SRD5A2: variants seen among roughly 807,000 people sequenced by gnomAD.
The protein encoded by SRD5A2 is 3-oxo-5-alpha-steroid 4-dehydrogenase 2.
Under a neutral mutation model 27.4 loss-of-function variants are expected in SRD5A2, and 30 were observed. The ratio of observed to expected loss-of-function variants is 1.10; its 90% confidence interval spans 0.82 to 1.49. The LOEUF (loss-of-function observed/expected upper bound fraction) is 1.49, where lower values mean the gene tolerates loss of function less well. SRD5A2 is among the 40% of genes most tolerant of loss of function. The pLI is 0.00. For missense variants in SRD5A2, 348 were observed against 323.4 expected, an observed-to-expected ratio of 1.08 and a Z score of -0.58; for synonymous variants, 141 against 133.6, an observed-to-expected ratio of 1.06 and a Z score of -0.38.
At chr2:31,605,802 T>C in the SRD5A2 span, among the ~76,000 whole-genome samples, 2 of 151,720 alleles carry the variant, frequency 1.3e-5, no homozygotes, top group African/African-American at 4.8e-5. Flanking sequence ...GCTGGGTACA[T>C]ACCCAAAAGA....
the SRD5A2 span, among the ~76,000 whole-genome samples, chr2:31,591,160 T>C: frequency 3.0e-4 from 46 of 152,294 alleles, no homozygotes; most frequent in African/African-American, 1.1e-3. Flanking sequence ...ACATACAGAA[T>C]GGGAGAACAT....
At chr2:31,612,244 G>A in the SRD5A2 span, among the ~76,000 whole-genome samples, 380 of 151,430 alleles carry the variant, frequency 2.5e-3, no homozygotes, top group Non-Finnish European at 3.8e-3. Flanking sequence ...TCATGCCACT[G>A]CATTCCAGCC....
rs1227228579 is a variant in SRD5A2 at position 31,522,594 on chromosome 2, C to A, written c.*3602G>T. Reference sequence around the variant, plus strand: ...AATAACACAGAACTCTTTAAGATCACAACTCCATGGACTTGTACAAAGAAT... The same window carrying A: ...AATAACACAGAACTCTTTAAGATCAAAACTCCATGGACTTGTACAAAGAAT... On this transcript the variant is annotated 3_prime_UTR_variant, in exon 5 of 5. Coordinates refer to ENST00000622030, the MANE Select transcript of SRD5A2 (RefSeq NM_000348.4). 4.8e-6 allele frequency: 1 copy of A among 209,606 alleles called. No individual in the cohort carries two copies. The highest frequency in any genetic ancestry group is 9.7e-6 in the Non-Finnish European group (1 of 103,194). 13.0% of individuals were successfully genotyped at this position (209,606 alleles called of 1,614,324 possible).
the SRD5A2 span, among the ~76,000 whole-genome samples, chr2:31,607,141 C>A: frequency 1.3e-4 from 19 of 151,848 alleles, no homozygotes; most frequent in African/African-American, 4.6e-4. Context: ...AAAAACATAG[C>A]ATCAGTTATC....
chr2:31,649,689 C>A, the SRD5A2 span, among the ~76,000 whole-genome samples: 24 of 151,970 alleles, frequency 1.6e-4, no homozygotes, highest in African/African-American at 5.3e-4. Context: ...ACAATTTTCC[C>A]AGAGTGTATC....
rs1665693671 is a variant in SRD5A2, at chr2:31,523,096, T to A, written c.*3100A>T. Reference sequence around the variant, plus strand: ...TTAGAATACAGTGGAGCCACTGTTGTTCTTTATGAAAGTAAGCATTAGGGA... The same window carrying A: ...TTAGAATACAGTGGAGCCACTGTTGATCTTTATGAAAGTAAGCATTAGGGA... On this transcript the variant is annotated 3_prime_UTR_variant, in exon 5 of 5. Transcript: ENST00000622030. The A allele has an allele frequency of 4.6e-6, 1 of 217,682 alleles. No homozygotes were observed. The highest frequency in any genetic ancestry group is 9.2e-6 in the Non-Finnish European group (1 of 108,312). 13.5% of individuals were successfully genotyped at this position (217,682 alleles called of 1,614,324 possible). A position where few individuals can be genotyped will look rare whatever the true frequency, so the allele number is the denominator to read the frequency against.
At chr2:31,531,975 G>A (rs558312578) in intron 2 of SRD5A2, among the ~76,000 whole-genome samples, 9 of 152,112 alleles carry the variant, frequency 5.9e-5, no homozygotes, top group African/African-American at 7.2e-5. Flanking sequence ...CTTGGAAATC[G>A]TTTGCTTTTC....
the SRD5A2 span, among the ~76,000 whole-genome samples, chr2:31,609,131 T>A: frequency 1.3e-5 from 2 of 152,074 alleles, no homozygotes; most frequent in Non-Finnish European, 2.9e-5. Context: ...ATTTCCACTC[T>A]CTAGAATGTG....
chr2:31,552,692 G>C (rs1666404141), intron 1 of SRD5A2, among the ~76,000 whole-genome samples: 2 of 152,262 alleles, frequency 1.3e-5, no homozygotes, highest in South Asian at 4.2e-4. Context: ...AGTTTGATGG[G>C]GGCAGCTAAG....
At chr2:31,623,952 C>G in the SRD5A2 span, among the ~76,000 whole-genome samples, 1 of 152,174 alleles carries the variant, frequency 6.6e-6, no homozygotes, top group Admixed American at 6.6e-5. Context: ...AGGGATGAAG[C>G]CAACTTGATC....
At chr2:31,639,897 G>A in the SRD5A2 span, among the ~76,000 whole-genome samples, 10 of 151,980 alleles carry the variant, frequency 6.6e-5, no homozygotes, top group East Asian at 1.9e-3. Context: ...TTTAATTTTG[G>A]AAAGTTTTCT....
intron 1 of SRD5A2, among the ~76,000 whole-genome samples, chr2:31,540,015 G>A (rs1432984915): frequency 6.6e-6 from 1 of 152,108 alleles, no homozygotes; most frequent in African/African-American, 2.4e-5. Context: ...TACGAAGGGG[G>A]AATATTTAAG....
the SRD5A2 span, among the ~76,000 whole-genome samples, chr2:31,661,472 C>T: frequency 2.0e-5 from 3 of 152,126 alleles, no homozygotes; most frequent in Non-Finnish European, 4.4e-5. Flanking sequence ...CACAAGGAGA[C>T]ACTCTATCTT....
chr2:31,618,802 T>C, the SRD5A2 span, among the ~76,000 whole-genome samples: 2 of 152,270 alleles, frequency 1.3e-5, no homozygotes, highest in African/African-American at 2.4e-5. Flanking sequence ...ATGTGTGGTA[T>C]ATTTCAAAAT....
the SRD5A2 span, among the ~76,000 whole-genome samples, chr2:31,614,244 T>C: frequency 6.6e-6 from 1 of 152,196 alleles, no homozygotes; most frequent in Admixed American, 6.5e-5. Context: ...GACATAAGCA[T>C]TGGATAAATA....
chr2:31,543,859 C>T (rs1666189424), intron 1 of SRD5A2, among the ~76,000 whole-genome samples: 1 of 151,976 alleles, frequency 6.6e-6, no homozygotes, highest in Admixed American at 6.6e-5. Context: ...TAATAGCATA[C>T]ATGAAAATGT....
chr2:31,616,455 C>A, the SRD5A2 span, among the ~76,000 whole-genome samples: 1 of 152,216 alleles, frequency 6.6e-6, no homozygotes, highest in African/African-American at 2.4e-5. Context: ...CAGAGCTACC[C>A]AAGGCCATAG....
In SRD5A2 at chr2:31,525,755, A is replaced by G; in HGVS notation, c.*441T>C. 4.4e-6 allele frequency: 1 copy of G among 228,728 alleles called. No homozygotes were observed. Among genetic ancestry groups the G allele is most frequent in the African/African-American group, 2.2e-5 (1 of 45,130 alleles). 14.2% of individuals were successfully genotyped at this position (228,728 alleles called of 1,614,324 possible). A position where few individuals can be genotyped will look rare whatever the true frequency, so the allele number is the denominator to read the frequency against. On this transcript the variant is annotated 3_prime_UTR_variant, in exon 5 of 5. Transcript: ENST00000622030. ...GGGTCTTTGTGGCTTCAGAGTTTAA[A>G]TTTCTGCTACTCTGTTACATGTATA...
At chr2:31,584,371 A>C (rs897235388), upstream of SRD5A2, among the ~76,000 whole-genome samples, 1 of 152,238 alleles carries the variant, frequency 6.6e-6, no homozygotes, top group Admixed American at 6.5e-5. Context: ...GAAGTCAATT[A>C]AATCCAGACA....
Sources: gnomAD v4.1 joint callset for allele counts (sites outside exome capture counted in the v4.1 genomes callset) on GRCh38, gnomAD v4.1.1 for gene constraint, MANE v1.5 for transcripts, NCBI Gene and HGNC (gene_info 2026-07-23, HGNC 2026-07-21) for gene names.